SPOCK1: variants seen among roughly 807,000 people sequenced by gnomAD.
The protein encoded by SPOCK1 is SPARC (osteonectin), cwcv and kazal like domains proteoglycan 1, also known as testican-1.
A neutral mutation model predicts 55.3 loss-of-function variants in SPOCK1; 23 were observed. That is an observed-to-expected ratio of 0.42 (90% CI 0.30 to 0.59). The LOEUF (loss-of-function observed/expected upper bound fraction) is 0.59, where lower values mean the gene tolerates loss of function less well. SPOCK1 is among the 20% of genes least tolerant of loss of function. The probability of loss-of-function intolerance (pLI) is 0.22; values close to 1 mark genes in which losing one functional copy is unlikely to be tolerated. For synonymous variants in SPOCK1, 226 were observed against 221.0 expected (o/e 1.02, Z -0.20); for missense variants, 499 against 552.5 (o/e 0.90, Z 0.97).
intron 3 of SPOCK1, among the ~76,000 whole-genome samples, chr5:137,237,813 C>T (rs1389955157): frequency 6.6e-6 from 1 of 152,212 alleles, no homozygotes; most frequent in Non-Finnish European, 1.5e-5. Context: ...TGAGTTCCTG[C>T]TGCAGCAGAT....
intron 3 of SPOCK1, among the ~76,000 whole-genome samples, chr5:137,208,648 C>A (rs1755560251): frequency 6.6e-6 from 1 of 152,072 alleles, no homozygotes; most frequent in Non-Finnish European, 1.5e-5. Context: ...TAAGTGGGGG[C>A]TAAACAGTGG....
At chr5:137,210,770 T>C (rs1210827587) in intron 3 of SPOCK1, among the ~76,000 whole-genome samples, 5 of 152,222 alleles carry the variant, frequency 3.3e-5, no homozygotes, top group Non-Finnish European at 5.9e-5. Flanking sequence ...ACAGCTCTCA[T>C]CTTCTAATTC....
chr5:137,323,204 T>C (rs1273891977), intron 2 of SPOCK1, among the ~76,000 whole-genome samples: 1 of 152,208 alleles, frequency 6.6e-6, no homozygotes, highest in East Asian at 1.9e-4. Context: ...TTCAATGAAA[T>C]TGAATTACAT....
chr5:137,332,532 AT>A (rs1458135987), intron 2 of SPOCK1, among the ~76,000 whole-genome samples: 1 of 152,154 alleles, frequency 6.6e-6, no homozygotes, highest in Non-Finnish European at 1.5e-5. Flanking sequence ...GCCCTGTATG[AT>A]TACCACAGCG....
intron 4 of SPOCK1, among the ~76,000 whole-genome samples, chr5:137,116,015 T>C (rs543011403): frequency 6.6e-6 from 1 of 152,346 alleles, no homozygotes; most frequent in African/African-American, 2.4e-5. Flanking sequence ...ATTTGTCAAC[T>C]GGGGTGACAC....
At chr5:137,124,280 CCT>C (rs746892578) in intron 4 of SPOCK1, among the ~76,000 whole-genome samples, 4 of 152,146 alleles carry the variant, frequency 2.6e-5, no homozygotes, top group Admixed American at 6.5e-5. Context: ...GGCCTGAGCC[CCT>C]CTCAGGGTTG....
chr5:137,100,931 T>C lies in SPOCK1; in HGVS notation c.474+11504A>G, dbSNP rs577627716. On this transcript the variant is annotated intron_variant, in intron 5 of 10. Transcript: ENST00000394945. ...AAAATAAGAGCATCATTAAAGCCCATTTCCTTCAATACACAATTATGGCAA... is the reference window on the plus strand; with the variant it reads ...AAAATAAGAGCATCATTAAAGCCCACTTCCTTCAATACACAATTATGGCAA... Among the ~76,000 whole-genome samples, 310 of 151,942 alleles carry C rather than the reference T, an allele frequency of 2.0e-3. 2 individuals are homozygous for C. Among genetic ancestry groups the C allele is most frequent in the Middle Eastern group, 0.014 (4 of 292 alleles).
chr5:137,368,025 A>T (rs1054236725), intron 2 of SPOCK1, among the ~76,000 whole-genome samples: 2 of 152,242 alleles, frequency 1.3e-5, no homozygotes, highest in African/African-American at 4.8e-5. Flanking sequence ...AGGCAGTTTC[A>T]CTATCACATG....
intron 3 of SPOCK1, among the ~76,000 whole-genome samples, chr5:137,189,211 A>T (rs1755129588): frequency 6.6e-6 from 1 of 152,238 alleles, no homozygotes; most frequent in African/African-American, 2.4e-5. Context: ...AGGTGGCTAC[A>T]CTCAACAGCA....
At chr5:137,125,004 G>A (rs1561618310) in intron 4 of SPOCK1, among the ~76,000 whole-genome samples, 1 of 152,174 alleles carries the variant, frequency 6.6e-6, no homozygotes, top group Non-Finnish European at 1.5e-5. Flanking sequence ...AGTATTTTCT[G>A]TGTATCCAGG....
In SPOCK1 at chr5:137,498,564, G is replaced by A. The variant is rs1754358925; in HGVS notation, c.1-6C>T. The A allele has an allele frequency of 6.7e-7, 1 of 1,487,592 alleles. No homozygotes were observed. Among genetic ancestry groups the A allele is most frequent in the Non-Finnish European group, 8.9e-7 (1 of 1,127,180 alleles). 92.1% of individuals were successfully genotyped at this position (1,487,592 alleles called of 1,614,324 possible). A position where few individuals can be genotyped will look rare whatever the true frequency, so the allele number is the denominator to read the frequency against. On this transcript the variant is annotated splice_polypyrimidine_tract_variant and splice_region_variant and intron_variant, in intron 1 of 10. Coordinates refer to ENST00000394945, the MANE Select transcript of SPOCK1 (RefSeq NM_004598.4). ...AACACCGCGATCGCCGGCATCTGCG[G>A]GGCAGGGCGCGCAGGGCGATGAGCG...
chr5:137,053,185 T>C (rs568796776), intron 6 of SPOCK1, among the ~76,000 whole-genome samples: 1 of 152,172 alleles, frequency 6.6e-6, no homozygotes, highest in Non-Finnish European at 1.5e-5. Context: ...TGAGCCACAC[T>C]GTGATGTCCC....
At chr5:137,302,615 TAAATAAA>T (rs1561498256) in intron 2 of SPOCK1, among the ~76,000 whole-genome samples, 1 of 151,218 alleles carries the variant, frequency 6.6e-6, no homozygotes, top group African/African-American at 2.4e-5. Context: ...AATAAATAAA[TAAATAAA>T]TAAATCAGTT....
intron 3 of SPOCK1, among the ~76,000 whole-genome samples, chr5:137,177,802 G>A (rs996388066): frequency 1.3e-5 from 2 of 151,866 alleles, no homozygotes; most frequent in South Asian, 2.1e-4. Flanking sequence ...TGAGGAGTGG[G>A]AGGGAAAGGA....
chr5:137,233,779 T>C (rs1215996863), intron 3 of SPOCK1, among the ~76,000 whole-genome samples: 1 of 145,104 alleles, frequency 6.9e-6, no homozygotes, highest in African/African-American at 2.6e-5. Context: ...CGATCTCACT[T>C]ACTGATTCTA....
At chr5:137,188,358 A>G (rs1246720699) in intron 3 of SPOCK1, among the ~76,000 whole-genome samples, 1 of 152,120 alleles carries the variant, frequency 6.6e-6, no homozygotes, top group Non-Finnish European at 1.5e-5. Flanking sequence ...GAGCAAGTCT[A>G]TTGGCATCAT....
In SPOCK1 at chr5:137,312,285, G is replaced by A. The variant is rs1180131998; in HGVS notation, c.187-45230C>T. ...CCTGCTGTCAGGAGAGGTGGAGAGG[G>A]AAGGAATGTCACAGGTTCCAGACTC... On this transcript the variant is annotated intron_variant, in intron 2 of 10. Coordinates refer to ENST00000394945, the MANE Select transcript of SPOCK1 (RefSeq NM_004598.4). Among the ~76,000 whole-genome samples, 4 of 152,142 alleles carry A rather than the reference G, an allele frequency of 2.6e-5. No homozygotes were observed. The East Asian group carries it at 5.8e-4, about 22-fold the overall frequency.
chr5:137,023,712 G>A (rs928725150), intron 6 of SPOCK1, among the ~76,000 whole-genome samples: 2 of 149,872 alleles, frequency 1.3e-5, no homozygotes, highest in African/African-American at 2.4e-5. Context: ...TAATTATCAC[G>A]AGAGGAAATG....
intron 3 of SPOCK1, among the ~76,000 whole-genome samples, chr5:137,155,477 G>A (rs1309306458): frequency 6.6e-6 from 1 of 152,096 alleles, no homozygotes; most frequent in Non-Finnish European, 1.5e-5. Flanking sequence ...GTGAAAGGAT[G>A]GTTTAACACC....
Sources: gnomAD v4.1 joint callset for allele counts (sites outside exome capture counted in the v4.1 genomes callset) on GRCh38, gnomAD v4.1.1 for gene constraint, MANE v1.5 for transcripts, NCBI Gene and HGNC (gene_info 2026-07-23, HGNC 2026-07-21) for gene names.